Variants in CEP85L observed in about 807,000 individuals in gnomAD.
CEP85L encodes the protein centrosomal protein 85L.
A neutral mutation model predicts 100.3 loss-of-function variants in CEP85L; 60 were observed. The observed-to-expected ratio is 0.60, with a 90% CI of 0.49 to 0.74. The LOEUF (loss-of-function observed/expected upper bound fraction) is 0.74, where lower values mean the gene tolerates loss of function less well. Ranked by LOEUF, CEP85L falls within the 30% of genes least tolerant of loss-of-function variation. The pLI, the probability that CEP85L is intolerant of heterozygous loss-of-function variation, is 0.00. For missense variants in CEP85L, 973 were observed against 936.2 expected (o/e 1.04, Z -0.51); for synonymous variants, 319 against 322.7 (o/e 0.99, Z 0.12).
chr6:118,572,720 C>T (rs1243167107), intron 2 of CEP85L, among the ~76,000 whole-genome samples: 1 of 152,036 alleles, frequency 6.6e-6, no homozygotes, highest in African/African-American at 2.4e-5. Flanking sequence ...GTATCATGTA[C>T]AAGGCATTAT....
At chr6:118,617,723 A>C (rs1468975196) in intron 2 of CEP85L, among the ~76,000 whole-genome samples, 1 of 152,070 alleles carries the variant, frequency 6.6e-6, no homozygotes, top group Non-Finnish European at 1.5e-5. Context: ...TCTTGGTCCA[A>C]GTATCTGTCA....
intron 4 of CEP85L, among the ~76,000 whole-genome samples, chr6:118,514,564 G>A (rs1776160056): frequency 1.3e-5 from 2 of 150,602 alleles, no homozygotes; most frequent in South Asian, 4.2e-4. Context: ...ACCAATATAG[G>A]AGATTTAAAC....
chr6:118,477,042 T>C (rs1773435361), intron 10 of CEP85L, among the ~76,000 whole-genome samples: 1 of 152,166 alleles, frequency 6.6e-6, no homozygotes, highest in Non-Finnish European at 1.5e-5. Context: ...AGCCATATGT[T>C]CATGGAATTG....
chr6:118,511,440 A>T (rs769251433), intron 4 of CEP85L, 25 bp from the exon 5 acceptor site: 2 of 1,421,354 alleles, frequency 1.4e-6, no homozygotes, highest in Non-Finnish European at 2.0e-6. Context: ...TTAAGGTCAC[A>T]TTATGAGTTA....
chr6:118,700,444 TC>T (rs944607868), intron 1 of CEP85L, among the ~76,000 whole-genome samples: 1 of 152,230 alleles, frequency 6.6e-6, no homozygotes, highest in African/African-American at 2.4e-5. Context: ...ATCCAGAATC[TC>T]CAATAAGTGT....
intron 1 of CEP85L, among the ~76,000 whole-genome samples, chr6:118,702,254 T>TGGG (rs1228590866): frequency 6.6e-6 from 1 of 152,220 alleles, no homozygotes; most frequent in Non-Finnish European, 1.5e-5. Flanking sequence ...CTCACGCCTA[T>TGGG]AATCCCAGCA....
chr6:118,565,723 T>G lies in CEP85L; in HGVS notation c.826A>C (p.Lys276Gln), dbSNP rs200275357. Reference sequence around the variant, plus strand: ...GCCTGTTGACCAAGCATTAAATATTTTGGAGGTTCAAAAGCCTCTGAGCTT... The same window carrying G: ...GCCTGTTGACCAAGCATTAAATATTGTGGAGGTTCAAAAGCCTCTGAGCTT... The part of the protein sequence containing the change: ...MTSSEAFEPP[K>Q]YLMLGQQAVG... The change falls in exon 3 of 13, where the codon AAA (lysine) becomes CAA (glutamine). Residue 276 changes from lysine (K) to glutamine (Q), a missense_variant. Transcript: ENST00000368491. 1 of 1,614,166 alleles carries G rather than the reference T, an allele frequency of 6.2e-7. No homozygotes were observed. Among genetic ancestry groups the G allele is most frequent in the Admixed American group, 1.7e-5 (1 of 60,012 alleles).
chr6:118,464,707 A>G lies in CEP85L; in HGVS notation c.*698T>C, dbSNP rs571940048. ...ACATACATTACAATGCTAAGGAAAA[A>G]GAGCATCACGTCAAAATTTCACACC... On this transcript the variant is annotated 3_prime_UTR_variant, in exon 13 of 13. Coordinates refer to ENST00000368491, the MANE Select transcript of CEP85L (RefSeq NM_001042475.3). 6.6e-6 allele frequency: 1 copy of G among 152,176 alleles called. No individual in the cohort carries two copies. The highest frequency in any genetic ancestry group is 2.1e-4 in the South Asian group (1 of 4,820). 9.4% of individuals were successfully genotyped at this position (152,176 alleles called of 1,614,324 possible). A position where few individuals can be genotyped will look rare whatever the true frequency, so the allele number is the denominator to read the frequency against.
At chr6:118,522,378 C>T (rs1452766464) in intron 4 of CEP85L, among the ~76,000 whole-genome samples, 1 of 152,020 alleles carries the variant, frequency 6.6e-6, no homozygotes, top group African/African-American at 2.4e-5. Context: ...TAAAATTGCA[C>T]CTATATTAAA....
intron 2 of CEP85L, among the ~76,000 whole-genome samples, chr6:118,601,455 G>C (rs943038357): frequency 1.3e-5 from 2 of 152,072 alleles, no homozygotes; most frequent in Non-Finnish European, 2.9e-5. Flanking sequence ...AATGTTTATC[G>C]ATCAATTTCC....
chr6:118,467,892 T>C (rs1772648304), intron 12 of CEP85L, among the ~76,000 whole-genome samples: 2 of 152,148 alleles, frequency 1.3e-5, no homozygotes, highest in Admixed American at 1.3e-4. Flanking sequence ...TTAGTTGTTT[T>C]TTTCCTCTTG....
chr6:118,614,628 G>A (rs1022283163), intron 2 of CEP85L, among the ~76,000 whole-genome samples: 3 of 152,194 alleles, frequency 2.0e-5, no homozygotes, highest in African/African-American at 2.4e-5. Context: ...TGGATCACCT[G>A]AGGTCAGGAG....
intron 3 of CEP85L, among the ~76,000 whole-genome samples, chr6:118,564,009 T>C (rs1023245202): frequency 6.6e-6 from 1 of 152,174 alleles, no homozygotes; most frequent in Non-Finnish European, 1.5e-5. Context: ...AATCAAGAAG[T>C]AGGGCTTTCC....
intron 2 of CEP85L, 129 bp from the exon 3 acceptor site, chr6:118,566,445 T>A: frequency 3.8e-6 from 3 of 790,730 alleles, no homozygotes; most frequent in Non-Finnish European, 5.9e-6. Flanking sequence ...TGAGACGTAG[T>A]TTTAGCTTGT....
chr6:118,509,633 T>A (rs1775854829), intron 5 of CEP85L, among the ~76,000 whole-genome samples: 1 of 152,054 alleles, frequency 6.6e-6, no homozygotes, highest in Non-Finnish European at 1.5e-5. Flanking sequence ...CATTTGAAGA[T>A]ATGATGAAGG....
chr6:118,673,435 G>T (rs139246958), intron 1 of CEP85L, among the ~76,000 whole-genome samples: 1 of 152,178 alleles, frequency 6.6e-6, no homozygotes, highest in African/African-American at 2.4e-5. Context: ...GCAAATACCA[G>T]TCCCACCAGC....
chr6:118,651,417 C>G lies in CEP85L; in HGVS notation c.-148G>C, dbSNP rs978786239. On this transcript the variant is annotated 5_prime_UTR_variant, in exon 1 of 13. Coordinates refer to ENST00000368491, the MANE Select transcript of CEP85L (RefSeq NM_001042475.3). ...GGATGGCTGGTTAACGGCTGCTCAG[C>G]TACGGGCGGGGAGCGCAGGGGCCAG... The G allele has an allele frequency of 2.1e-4, 278 of 1,342,788 alleles. No individual in the cohort carries two copies. Among genetic ancestry groups the G allele is most frequent in the Admixed American group, 4.8e-4 (12 of 24,876 alleles). 83.2% of individuals were successfully genotyped at this position (1,342,788 alleles called of 1,614,324 possible).
At chr6:118,660,826 ATATTT>A (rs1775946875) in intron 1 of CEP85L, among the ~76,000 whole-genome samples, 1 of 152,098 alleles carries the variant, frequency 6.6e-6, no homozygotes, top group Non-Finnish European at 1.5e-5. Context: ...TTTCTCAAAC[ATATTT>A]GAGGATAAGG....
At chr6:118,683,037 A>G (rs1419562908) in intron 1 of CEP85L, among the ~76,000 whole-genome samples, 4 of 152,186 alleles carry the variant, frequency 2.6e-5, no homozygotes, top group Non-Finnish European at 1.5e-5. Flanking sequence ...AGGCATAACA[A>G]TGAAAGAAGT....
Sources: allele counts gnomAD v4.1 joint callset (sites outside exome capture counted in the v4.1 genomes callset), GRCh38; gene constraint gnomAD v4.1.1; transcripts MANE v1.5; gene names NCBI Gene and HGNC (gene_info 2026-07-23, HGNC 2026-07-21).